VAV2: variants seen among roughly 807,000 people sequenced by gnomAD.
VAV2 encodes the protein vav guanine nucleotide exchange factor 2.
VAV2 carries 67 observed loss-of-function variants against 132.5 expected under a neutral mutation model. That is an observed-to-expected ratio of 0.51 (90% confidence interval 0.42 to 0.62). VAV2 has a LOEUF of 0.62. Among genes scored for constraint, VAV2 ranks in the 20% least tolerant of loss-of-function variants. The pLI, the probability that VAV2 is intolerant of heterozygous loss-of-function variation, is 0.00. For missense variants in VAV2, 938 were observed against 1,153.6 expected (o/e 0.81, Z 2.71); for synonymous variants, 492 against 443.5 (o/e 1.11, Z -1.37).
At chr9:133,796,701 G>A (rs923353970) in intron 10 of VAV2, among the ~76,000 whole-genome samples, 177 bp from the exon 11 acceptor site, 12 of 152,160 alleles carry the variant, frequency 7.9e-5, no homozygotes, top group African/African-American at 2.9e-4. Context: ...GCAGAGGGGG[G>A]GGCTTCACAA....
intron 1 of VAV2, among the ~76,000 whole-genome samples, chr9:133,959,088 C>G (rs946889817): frequency 6.6e-6 from 1 of 152,188 alleles, no homozygotes; most frequent in African/African-American, 2.4e-5. Flanking sequence ...AGAGACAGCC[C>G]CAGATGATGG....
chr9:133,909,064 T>C (rs1839781485), intron 2 of VAV2, among the ~76,000 whole-genome samples: 2 of 152,206 alleles, frequency 1.3e-5, no homozygotes, highest in East Asian at 1.9e-4. Context: ...ATTACAAAAC[T>C]GCAAAGTAGG....
chr9:133,810,241 G>A, intron 5 of VAV2, 36 bp from the exon 6 acceptor site: 1 of 1,612,782 alleles, frequency 6.2e-7, no homozygotes, highest in Non-Finnish European at 8.5e-7. Context: ...AACAGCGCCG[G>A]TTAGCAGGGC....
intron 2 of VAV2, among the ~76,000 whole-genome samples, chr9:133,877,044 C>G (rs1414286417): frequency 6.6e-6 from 1 of 152,092 alleles, no homozygotes; most frequent in African/African-American, 2.4e-5. Flanking sequence ...TGCCCCGAGT[C>G]TCCCTCCCCA....
At chr9:133,867,528 G>T (rs1837854670) in intron 2 of VAV2, among the ~76,000 whole-genome samples, 1 of 152,212 alleles carries the variant, frequency 6.6e-6, no homozygotes, top group Admixed American at 6.5e-5. Context: ...TTTGCTTAGA[G>T]CCTCTGGAGG....
chr9:133,981,679 C>T (rs934773112), intron 1 of VAV2, among the ~76,000 whole-genome samples: 1 of 152,222 alleles, frequency 6.6e-6, no homozygotes, highest in African/African-American at 2.4e-5. Context: ...GGAGGTTGAG[C>T]TCGAGGGACA....
Position 133,842,757 on chromosome 9 carries a change from A to G in VAV2, c.381-8417T>C, listed in dbSNP as rs2486349. ...TCTCACCCAGGCGGAGGCCATAGTG[A>G]GGAGAAAGAGAACAGCGCGGGCAGA... On this transcript the variant is annotated intron_variant, in intron 3 of 29. Transcript: ENST00000371850. 9.3e-3 allele frequency among the ~76,000 whole-genome samples: 1,418 copies of G among 152,236 alleles called. 20 individuals carry two copies. Among genetic ancestry groups the G allele is most frequent in the African/African-American group, 0.032 (1,333 of 41,538 alleles).
rs575284527 is a variant in VAV2 at position 133,833,339 on chromosome 9, C to T, written c.449+933G>A. On this transcript the variant is annotated intron_variant, in intron 4 of 29. Transcript: ENST00000371850. This position sits in a 1 kb window ranked among gnomAD's most constrained non-coding sequence, Gnocchi z 5.6. ...AGGCACTCCCATACACGCAGCTCCC[C>T]CTCTTACTCCTCTCCCGGTTGTCAT... Among the ~76,000 whole-genome samples, 1 of 152,180 alleles carries T rather than the reference C, an allele frequency of 6.6e-6. No homozygotes were observed. Among genetic ancestry groups the T allele is most frequent in the Non-Finnish European group, 1.5e-5 (1 of 68,034 alleles).
Position 133,992,054 on chromosome 9 carries a change from T to TCCCG in VAV2, c.204+17_204+20dup, listed in dbSNP as rs781023259. On this transcript the variant is annotated intron_variant, in intron 1 of 29. Coordinates refer to ENST00000371850, the MANE Select transcript of VAV2 (RefSeq NM_001134398.2). This position sits in a 1 kb window ranked among gnomAD's most constrained non-coding sequence, Gnocchi z 5.5. ...CGCGAACGCCGCCTCCCCGGGGCCC[T>TCCCG]CCCGCCCGCCGGGCGCTCACCTGGG... is the stretch of plus-strand genomic sequence containing the variant. The TCCCG allele has an allele frequency of 2.0e-5, 31 of 1,525,710 alleles. No homozygotes were observed. The highest frequency in any genetic ancestry group is 4.8e-5 in the South Asian group (4 of 82,706). 94.5% of individuals were successfully genotyped at this position (1,525,710 alleles called of 1,614,324 possible). A position where few individuals can be genotyped will look rare whatever the true frequency, so the allele number is the denominator to read the frequency against.
chr9:133,985,603 C>T (rs185215861), intron 1 of VAV2, among the ~76,000 whole-genome samples: 23 of 152,256 alleles, frequency 1.5e-4, no homozygotes, highest in African/African-American at 5.5e-4. Context: ...TTCTAAATAC[C>T]CCTCTCCACT....
intron 1 of VAV2, among the ~76,000 whole-genome samples, chr9:133,953,997 G>T (rs1485853933): frequency 3.3e-5 from 5 of 150,728 alleles, no homozygotes; most frequent in Admixed American, 2.0e-4. Flanking sequence ...CTCCACATGT[G>T]GGACAACCCA....
At chr9:133,842,963 TA>T (rs1319177157) in intron 3 of VAV2, among the ~76,000 whole-genome samples, 3 of 152,314 alleles carry the variant, frequency 2.0e-5, no homozygotes, top group Middle Eastern at 6.8e-3. Flanking sequence ...TGCCGCCTTC[TA>T]ATTGGCAGGG....
chr9:133,966,853 C>T (rs1420239912), intron 1 of VAV2, among the ~76,000 whole-genome samples: 4 of 151,872 alleles, frequency 2.6e-5, no homozygotes, highest in Non-Finnish European at 4.4e-5. Context: ...TGGCCAACAC[C>T]GTAAACCCTG....
chr9:133,803,882 A>G (rs2488552), intron 9 of VAV2, among the ~76,000 whole-genome samples: 64,050 of 151,872 alleles, frequency 0.42, 14,901 homozygotes, highest in African/African-American at 0.63. Context: ...TACTGGGCTC[A>G]TGCCTCTCAC....
intron 3 of VAV2, among the ~76,000 whole-genome samples, chr9:133,860,528 T>A (rs888670550): frequency 1.3e-5 from 2 of 152,028 alleles, no homozygotes; most frequent in African/African-American, 4.8e-5. Context: ...CCTGTAGTCA[T>A]ACACAGCATC....
chr9:133,930,806 C>T lies in VAV2; in HGVS notation c.321+8297G>A, dbSNP rs539800659. ...CAGGAGAGGCCGGCACTCAGGTGAC[C>T]GGTGGTGTGCGTCCAGCGTCGCCAG... On this transcript the variant is annotated intron_variant, in intron 2 of 29. Transcript: ENST00000371850. Among the ~76,000 whole-genome samples the T allele has an allele frequency of 3.9e-5, 6 of 152,226 alleles. No homozygotes were observed. The South Asian group carries it at 6.2e-4, about 16-fold the overall frequency.
chr9:133,885,530 C>T lies in VAV2; in HGVS notation c.322-24098G>A, dbSNP rs1197606219. Among the ~76,000 whole-genome samples the T allele has an allele frequency of 1.3e-5, 2 of 152,144 alleles. No individual in the cohort carries two copies. Among genetic ancestry groups the T allele is most frequent in the African/African-American group, 2.4e-5 (1 of 41,414 alleles). On this transcript the variant is annotated intron_variant, in intron 2 of 29. Transcript: ENST00000371850. This position sits in a 1 kb window ranked among gnomAD's most constrained non-coding sequence, Gnocchi z 5.0. The stretch of plus-strand genomic sequence containing the variant: ...GTCGTATTTACTAATAATGGTGCAC[C>T]GCCAGGAGCGTGCAATGCCATTCAG...
At chr9:133,780,780 A>T (rs1374759722) in intron 19 of VAV2, 70 bp from the exon 20 acceptor site, 38 of 1,251,220 alleles carry the variant, frequency 3.0e-5, no homozygotes, top group Non-Finnish European at 3.8e-5. Context: ...GCTCTCACTC[A>T]CACCGCCCCG....
intron 2 of VAV2, among the ~76,000 whole-genome samples, chr9:133,916,831 G>T (rs1840108956): frequency 6.6e-6 from 1 of 152,148 alleles, no homozygotes; most frequent in Non-Finnish European, 1.5e-5. Context: ...TGTGAAGGAA[G>T]ATGCTGGCAT....
Sources: allele counts gnomAD v4.1 joint callset (sites outside exome capture counted in the v4.1 genomes callset), GRCh38; gene constraint gnomAD v4.1.1; non-coding constraint Gnocchi (gnomAD v3.1); transcripts MANE v1.5; gene names NCBI Gene and HGNC (gene_info 2026-07-23, HGNC 2026-07-21).